Variants in ARHGAP18 observed in about 807,000 individuals in gnomAD.
ARHGAP18 encodes Rho GTPase activating protein 18.
A neutral mutation model predicts 86.2 loss-of-function variants in ARHGAP18; 67 were observed. The ratio of observed to expected loss-of-function variants is 0.78; its 90% CI spans 0.64 to 0.95. The LOEUF (loss-of-function observed/expected upper bound fraction) is 0.95. ARHGAP18 is among the 40% of genes least tolerant of loss of function. The pLI is 0.00. For missense variants in ARHGAP18, 691 were observed against 780.4 expected (o/e 0.89, Z 1.37); for synonymous variants, 283 against 280.4 (o/e 1.01, Z -0.09).
chr6:129,638,450 ACT>A lies in ARHGAP18; in HGVS notation c.494_495del (p.Gln165LeufsTer5). 6.2e-7 allele frequency: 1 copy of A among 1,614,178 alleles called. No homozygotes were observed. The highest frequency in any genetic ancestry group is 8.5e-7 in the Non-Finnish European group (1 of 1,180,022). On this transcript the variant is annotated frameshift_variant, in exon 3 of 15. Coordinates refer to ENST00000368149, the MANE Select transcript of ARHGAP18 (RefSeq NM_033515.3). LOFTEE classifies it high-confidence loss of function. ...VSQTLRKKNK[Q>X]YQIPDVRDIF... ...ATGTCTCTGACGTCAGGAATCTGGT[ACT>A]GTTTGTTTTTTTTCCTCAAGGTCTG...
intron 1 of ARHGAP18, among the ~76,000 whole-genome samples, chr6:129,667,387 ACAAAG>A (rs1774059872): frequency 6.6e-6 from 1 of 152,000 alleles, no homozygotes; most frequent in African/African-American, 2.4e-5. Context: ...TGCTTTCTGC[ACAAAG>A]CATTCAAAAA....
chr6:129,678,764 G>T (rs1774276776), intron 1 of ARHGAP18, among the ~76,000 whole-genome samples: 2 of 152,124 alleles, frequency 1.3e-5, no homozygotes, highest in South Asian at 4.1e-4. Context: ...TTCAAATATA[G>T]ACATAAGATT....
At position 129,585,277 on chromosome 6, in the gene ARHGAP18, C is replaced by T. The variant is rs147929475; in HGVS notation, c.1714-1165G>A. ...CAGCCTGGGAGACAGAGTGAGACTC[C>T]ATCTCAAAAATAAATAAATAAATAA... On this transcript the variant is annotated intron_variant, in intron 12 of 14. Transcript: ENST00000368149. 6.2e-3 allele frequency among the ~76,000 whole-genome samples: 943 copies of T among 151,426 alleles called. 10 individuals are homozygous for T. The highest frequency in any genetic ancestry group is 0.022 in the African/African-American group (904 of 41,286).
intron 1 of ARHGAP18, 58 bp downstream of exon 1, chr6:129,709,966 C>G: frequency 3.5e-6 from 5 of 1,423,858 alleles, no homozygotes; most frequent in Non-Finnish European, 4.9e-6. Context: ...TTCCCTGTCA[C>G]TTTCTTCCTG....
At chr6:129,645,775 G>A (rs34203661) in intron 1 of ARHGAP18, among the ~76,000 whole-genome samples, 9,425 of 152,096 alleles carry the variant, frequency 0.062, 418 homozygotes, top group Middle Eastern at 0.11. Context: ...TTTTTACCAT[G>A]AACACTCACA....
At position 129,618,872 on chromosome 6, in the gene ARHGAP18, T is replaced by C; in HGVS notation, c.787-20A>G. On this transcript the variant is annotated intron_variant, in intron 5 of 14. Coordinates refer to ENST00000368149, the MANE Select transcript of ARHGAP18 (RefSeq NM_033515.3). The stretch of plus-strand genomic sequence containing the variant: ...GAAACTCTAAAATAAACATCATTAA[T>C]ATAGTAAAAGCTTACAGTACCTAAC... The C allele has an allele frequency of 6.2e-7, 1 of 1,606,178 alleles. No homozygotes were observed. The highest frequency in any genetic ancestry group is 1.3e-5 in the African/African-American group (1 of 74,604).
chr6:129,632,792 A>G (rs1281085015), intron 4 of ARHGAP18, among the ~76,000 whole-genome samples: 6 of 152,144 alleles, frequency 3.9e-5, no homozygotes, highest in African/African-American at 1.4e-4. Flanking sequence ...TGCCAGAGAG[A>G]AGTTCTGAGG....
intron 7 of ARHGAP18, among the ~76,000 whole-genome samples, chr6:129,613,688 A>T (rs775365360): frequency 6.6e-6 from 1 of 152,232 alleles, no homozygotes; most frequent in African/African-American, 2.4e-5. Flanking sequence ...AAGGAATGCC[A>T]TGTGTTTTCT....
intron 4 of ARHGAP18, among the ~76,000 whole-genome samples, chr6:129,630,916 A>G (rs998249859): frequency 6.6e-6 from 1 of 152,232 alleles, no homozygotes; most frequent in African/African-American, 2.4e-5. Context: ...GCCAATTCCA[A>G]AACTAAGAAT....
chr6:129,675,514 C>T (rs1774216306), intron 1 of ARHGAP18, among the ~76,000 whole-genome samples: 2 of 152,098 alleles, frequency 1.3e-5, no homozygotes, highest in South Asian at 4.1e-4. Flanking sequence ...GAGGAGCCTT[C>T]ACATTCCATT....
At chr6:129,612,454 TGC>T (rs1397739816) in intron 7 of ARHGAP18, among the ~76,000 whole-genome samples, 2 of 152,232 alleles carry the variant, frequency 1.3e-5, no homozygotes, top group Non-Finnish European at 2.9e-5. Flanking sequence ...ATTTCACAAT[TGC>T]CTTCCCTGCT....
chr6:129,626,071 C>CACACACACACACACAT (rs1244995380), intron 5 of ARHGAP18, among the ~76,000 whole-genome samples: 22 of 112,264 alleles, frequency 2.0e-4, no homozygotes, highest in African/African-American at 7.0e-4. Flanking sequence ...CATATACACA[C>CACACACACACACACAT]ACACACACAC....
intron 1 of ARHGAP18, among the ~76,000 whole-genome samples, chr6:129,698,621 C>A (rs1774660005): frequency 1.3e-5 from 2 of 150,692 alleles, no homozygotes; most frequent in African/African-American, 2.4e-5. Context: ...TGGCTAACTG[C>A]AACCTCCATT....
At position 129,637,127 on chromosome 6, in the gene ARHGAP18, T is replaced by G. The variant is rs143503003; in HGVS notation, c.552+1267A>C. On this transcript the variant is annotated intron_variant, in intron 3 of 14. Coordinates refer to ENST00000368149, the MANE Select transcript of ARHGAP18 (RefSeq NM_033515.3). ...TCACCCAGCCTGGAGTGCGGTGGCA[T>G]GAACACAGCTCACTGCAGCCTCGAC... Among the ~76,000 whole-genome samples, 238 of 152,170 alleles carry G rather than the reference T, an allele frequency of 1.6e-3. 2 individuals are homozygous for G. The highest frequency in any genetic ancestry group is 5.6e-3 in the African/African-American group (233 of 41,532).
intron 1 of ARHGAP18, among the ~76,000 whole-genome samples, chr6:129,683,533 A>G (rs1196296609): frequency 1.3e-5 from 2 of 152,242 alleles, no homozygotes; most frequent in Non-Finnish European, 2.9e-5. Context: ...ATTTGTGATC[A>G]AATTCATTTA....
chr6:129,675,686 C>A (rs577422082), intron 1 of ARHGAP18, among the ~76,000 whole-genome samples: 25 of 152,262 alleles, frequency 1.6e-4, no homozygotes, highest in South Asian at 1.0e-3. Context: ...GTTCCCAGCC[C>A]TAAGACATTA....
At chr6:129,670,688 C>CTT (rs11350669) in intron 1 of ARHGAP18, among the ~76,000 whole-genome samples, 1 of 138,014 alleles carries the variant, frequency 7.2e-6, no homozygotes, top group Non-Finnish European at 1.5e-5. Flanking sequence ...AGTCGTAACT[C>CTT]TTTTTTTTTT....
At chr6:129,677,119 G>T (rs191412892) in intron 1 of ARHGAP18, among the ~76,000 whole-genome samples, 7 of 152,068 alleles carry the variant, frequency 4.6e-5, no homozygotes, top group African/African-American at 1.7e-4. Flanking sequence ...TTGGCCGGGC[G>T]CGGTGGCTCA....
intron 1 of ARHGAP18, among the ~76,000 whole-genome samples, chr6:129,706,892 A>T (rs1774810956): frequency 6.6e-6 from 1 of 150,820 alleles, no homozygotes; most frequent in Non-Finnish European, 1.5e-5. Flanking sequence ...TCTCAAAAAA[A>T]AAAAAAAAAA....
Sources: gnomAD v4.1 joint callset for allele counts (sites outside exome capture counted in the v4.1 genomes callset) on GRCh38, gnomAD v4.1.1 for gene constraint, MANE v1.5 for transcripts, NCBI Gene and HGNC (gene_info 2026-07-23, HGNC 2026-07-21) for gene names.